Variants in ZNF670 observed in about 807,000 individuals in gnomAD.
The protein encoded by ZNF670 is zinc finger protein 670.
ZNF670 carries 7 observed loss-of-function variants against 10.9 expected under a neutral mutation model. The observed-to-expected ratio is 0.64, with a 90% CI of 0.36 to 1.20. The LOEUF (loss-of-function observed/expected upper bound fraction) is 1.20, where lower values mean the gene tolerates loss of function less well. Ranked by LOEUF, ZNF670 falls within the 50% of genes most tolerant of loss-of-function variation. The probability of loss-of-function intolerance (pLI) is 0.02; values close to 1 mark genes in which losing one functional copy is unlikely to be tolerated. For missense variants in ZNF670, 446 were observed against 458.6 expected, an observed-to-expected ratio of 0.97 and a Z score of 0.25; for synonymous variants, 136 against 152.7, an observed-to-expected ratio of 0.89 and a Z score of 0.81.
chr1:247,066,887 C>G (rs1670992321), intron 1 of ZNF670, among the ~76,000 whole-genome samples: 1 of 152,194 alleles, frequency 6.6e-6, no homozygotes, highest in South Asian at 2.1e-4. Context: ...GTTGATAACT[C>G]TCTCAACCAA....
intron 1 of ZNF670, among the ~76,000 whole-genome samples, chr1:247,077,858 T>C (rs1311409860): frequency 1.3e-5 from 2 of 152,180 alleles, no homozygotes; most frequent in African/African-American, 4.8e-5. Context: ...GGGGGATCGC[T>C]TGAGCCCGAG....
intron 1 of ZNF670, among the ~76,000 whole-genome samples, chr1:247,051,340 T>C (rs1051067072): frequency 6.6e-6 from 1 of 152,188 alleles, no homozygotes; most frequent in Non-Finnish European, 1.5e-5. Flanking sequence ...TATTTGCTTG[T>C]CTGAAAATAA....
At chr1:247,063,158 G>A (rs1670896831) in intron 1 of ZNF670, among the ~76,000 whole-genome samples, 1 of 152,128 alleles carries the variant, frequency 6.6e-6, no homozygotes, top group Admixed American at 6.5e-5. Flanking sequence ...TTTAAAAGTT[G>A]CCATCCATTA....
At chr1:247,067,202 A>G (rs60545541) in intron 1 of ZNF670, among the ~76,000 whole-genome samples, 38,715 of 150,582 alleles carry the variant, frequency 0.26, 5,814 homozygotes, top group African/African-American at 0.41. Flanking sequence ...TTGGGAAGCC[A>G]AGGTGGGTGG....
chr1:247,046,891 G>A (rs61852630), intron 1 of ZNF670, among the ~76,000 whole-genome samples: 5 of 152,066 alleles, frequency 3.3e-5, no homozygotes, highest in African/African-American at 7.2e-5. Context: ...TAAATACACC[G>A]GTTCCAAATG....
intron 1 of ZNF670, among the ~76,000 whole-genome samples, chr1:247,049,787 G>T (rs1032934131): frequency 1.3e-5 from 2 of 152,234 alleles, no homozygotes; most frequent in Non-Finnish European, 2.9e-5. Context: ...CCAACAGTCA[G>T]TCATTCAGGA....
At chr1:247,077,239 C>T (rs1469724918) in intron 1 of ZNF670, among the ~76,000 whole-genome samples, 1 of 152,180 alleles carries the variant, frequency 6.6e-6, no homozygotes, top group East Asian at 1.9e-4. Context: ...TAGGAGACGT[C>T]TCTCAACTCC....
Position 247,036,882 on chromosome 1 carries a change from A to ACACACACC in ZNF670, c.*566_*567insGGTGTGTG, listed in dbSNP as rs1553319379. The ACACACACC allele has an allele frequency of 1.3e-4, 20 of 151,484 alleles. No individual in the cohort carries two copies. The highest frequency in any genetic ancestry group is 4.8e-4 in the African/African-American group (20 of 41,360). The allele number at this position is 151,484 out of a possible 1,614,324, so 9.4% of individuals were successfully genotyped here. The stretch of plus-strand genomic sequence containing the variant: ...ATAAAAAGGTAGAATACACACACAC[A>ACACACACC]CACACACACACACACACACACATGA... On this transcript the variant is annotated 3_prime_UTR_variant, in exon 4 of 4. Transcript: ENST00000366503.
chr1:247,060,737 C>A (rs555167983), intron 1 of ZNF670, among the ~76,000 whole-genome samples: 4 of 152,130 alleles, frequency 2.6e-5, no homozygotes, highest in Admixed American at 6.5e-5. Context: ...AAAAAAATTA[C>A]ACACAGAATA....
chr1:247,061,245 G>A (rs925053978), intron 1 of ZNF670, among the ~76,000 whole-genome samples: 14 of 150,616 alleles, frequency 9.3e-5, no homozygotes, highest in East Asian at 5.8e-4. Context: ...GCAGAGGCGC[G>A]ATCTTGGCTC....
At chr1:247,070,982 G>A (rs533785420) in intron 1 of ZNF670, among the ~76,000 whole-genome samples, 100 of 152,300 alleles carry the variant, frequency 6.6e-4, no homozygotes, top group African/African-American at 2.2e-3. Context: ...ATGTTTGCGA[G>A]GTTGCAGAGA....
At chr1:247,075,514 G>A (rs937765314) in intron 1 of ZNF670, among the ~76,000 whole-genome samples, 1 of 152,158 alleles carries the variant, frequency 6.6e-6, no homozygotes, top group African/African-American at 2.4e-5. Context: ...ATTCCCACAT[G>A]TGGCAGGAAC....
At chr1:247,076,623 G>A (rs1671260652) in intron 1 of ZNF670, among the ~76,000 whole-genome samples, 1 of 146,576 alleles carries the variant, frequency 6.8e-6, no homozygotes, top group Non-Finnish European at 1.5e-5. Context: ...TATACCTGGT[G>A]TTTTTCCCCA....
chr1:247,078,107 G>C (rs955957489), intron 1 of ZNF670, among the ~76,000 whole-genome samples: 2 of 152,136 alleles, frequency 1.3e-5, no homozygotes, highest in African/African-American at 2.4e-5. Context: ...TTGCTTCCTC[G>C]GGTTCCTTAC....
intron 1 of ZNF670, among the ~76,000 whole-genome samples, chr1:247,078,114 T>C (rs1671294833): frequency 6.6e-6 from 1 of 152,206 alleles, no homozygotes; most frequent in Non-Finnish European, 1.5e-5. Flanking sequence ...CTCGGGTTCC[T>C]TACAAAAAAC....
intron 1 of ZNF670, among the ~76,000 whole-genome samples, chr1:247,051,496 T>A (rs1343204063): frequency 2.6e-5 from 4 of 152,234 alleles, no homozygotes; most frequent in Non-Finnish European, 2.9e-5. Flanking sequence ...TGTAATCTGA[T>A]AGGTTTTCCT....
At chr1:247,044,593 T>C (rs974601482) in intron 1 of ZNF670, among the ~76,000 whole-genome samples, 1 of 152,164 alleles carries the variant, frequency 6.6e-6, no homozygotes, top group Non-Finnish European at 1.5e-5. Flanking sequence ...TTTTAAAAAG[T>C]GGTACATATA....
chr1:247,065,025 C>T (rs1296007544), intron 1 of ZNF670, among the ~76,000 whole-genome samples: 1 of 152,122 alleles, frequency 6.6e-6, no homozygotes, highest in Non-Finnish European at 1.5e-5. Context: ...CCCAGCTCGT[C>T]TTGAACTCCT....
At chr1:247,057,865 T>C (rs1285497350) in intron 1 of ZNF670, among the ~76,000 whole-genome samples, 1 of 152,108 alleles carries the variant, frequency 6.6e-6, no homozygotes, top group East Asian at 1.9e-4. Flanking sequence ...GGAGGGGATG[T>C]GGGAATGTTT....
Sources: gnomAD v4.1 joint callset for allele counts (sites outside exome capture counted in the v4.1 genomes callset) on GRCh38, gnomAD v4.1.1 for gene constraint, MANE v1.5 for transcripts, NCBI Gene and HGNC (gene_info 2026-07-23, HGNC 2026-07-21) for gene names.